GALNT17: variants seen among roughly 807,000 people sequenced by gnomAD.
GALNT17 encodes UDP-GalNAc:polypeptide N-acetylgalactosaminyltransferase-like 3.
Under a neutral mutation model 63.7 loss-of-function variants are expected in GALNT17, and 29 were observed. That is an observed-to-expected ratio of 0.46 (90% CI 0.34 to 0.62). The LOEUF (loss-of-function observed/expected upper bound fraction) is 0.62. Ranked by LOEUF, GALNT17 falls within the 20% of genes least tolerant of loss-of-function variation. The pLI, the probability that GALNT17 is intolerant of heterozygous loss-of-function variation, is 0.01. For missense variants in GALNT17, 603 were observed against 799.6 expected (o/e 0.75, Z 2.97); for synonymous variants, 305 against 318.3 (o/e 0.96, Z 0.45).
intron 1 of GALNT17, among the ~76,000 whole-genome samples, chr7:71,271,055 G>A (rs990153634): frequency 8.5e-5 from 13 of 152,172 alleles, no homozygotes; most frequent in Non-Finnish European, 8.8e-5. Context: ...TGTTTCATAC[G>A]GGATAGTGTT....
At chr7:71,501,394 A>G (rs1788178282) in intron 5 of GALNT17, among the ~76,000 whole-genome samples, 1 of 152,054 alleles carries the variant, frequency 6.6e-6, no homozygotes. Flanking sequence ...CCTCCCGAGT[A>G]GCTGGGACTA....
chr7:71,184,987 CCTTCCTTCCTT>C (rs1379285429), intron 1 of GALNT17, among the ~76,000 whole-genome samples: 2 of 122,946 alleles, frequency 1.6e-5, no homozygotes, highest in South Asian at 2.8e-4. Context: ...TTCCTTCCTT[CCTTCCTTCCTT>C]CTTCCTTCCC....
At chr7:71,282,480 G>A (rs907303049) in intron 1 of GALNT17, among the ~76,000 whole-genome samples, 1 of 152,254 alleles carries the variant, frequency 6.6e-6, no homozygotes, top group Non-Finnish European at 1.5e-5. Context: ...TTAGCACTGT[G>A]TCAGGCACAT....
intron 2 of GALNT17, among the ~76,000 whole-genome samples, chr7:71,337,483 T>G: frequency 6.6e-6 from 1 of 152,220 alleles, no homozygotes; most frequent in Non-Finnish European, 1.5e-5. Flanking sequence ...TACTAGACCC[T>G]TCCAATACTG....
intron 5 of GALNT17, among the ~76,000 whole-genome samples, chr7:71,483,524 A>G (rs1309813372): frequency 6.6e-6 from 1 of 151,896 alleles, no homozygotes; most frequent in East Asian, 1.9e-4. Flanking sequence ...ACTGCACACT[A>G]CTGGAGGTAG....
At chr7:71,470,813 G>A (rs949392627) in intron 5 of GALNT17, among the ~76,000 whole-genome samples, 3 of 152,058 alleles carry the variant, frequency 2.0e-5, no homozygotes, top group African/African-American at 4.8e-5. Flanking sequence ...AATACAGTGG[G>A]ATCATTGCTT....
chr7:71,392,844 C>CAAAT (rs55894614), intron 3 of GALNT17, among the ~76,000 whole-genome samples: 1 of 151,518 alleles, frequency 6.6e-6, no homozygotes, highest in Non-Finnish European at 1.5e-5. Context: ...GAAATCTCTT[C>CAAAT]TCTTGAACTA....
chr7:71,386,606 C>T (rs1010547650), intron 2 of GALNT17, among the ~76,000 whole-genome samples: 8 of 152,146 alleles, frequency 5.3e-5, no homozygotes, highest in African/African-American at 1.2e-4. Context: ...TCTTACATCA[C>T]CTGGAGCCGT....
chr7:71,669,111 A>G (rs1791028782), intron 7 of GALNT17, among the ~76,000 whole-genome samples: 2 of 152,232 alleles, frequency 1.3e-5, no homozygotes, highest in Admixed American at 1.3e-4. Context: ...TTGCACAGCA[A>G]TGATAAGGAT....
chr7:71,665,541 T>A lies in GALNT17; in HGVS notation c.1211T>A (p.Val404Asp). Residue 404 changes from valine to aspartate, a missense_variant, in exon 7 of 11, where the codon GTC becomes GAC. This residue lies in a region of GALNT17 where 336 missense variants were observed against 507.8 expected (regional missense o/e 0.66). Coordinates refer to ENST00000333538, the MANE Select transcript of GALNT17 (RefSeq NM_022479.3). Reference sequence around the variant, plus strand: ...AGGAATGCTCTTCGCGTTGCTGAGGTCTGGATGGACGATTACAAGTCTCAT... The same window carrying A: ...AGGAATGCTCTTCGCGTTGCTGAGGACTGGATGGACGATTACAAGTCTCAT... ...TKRNALRVAE[V>D]WMDDYKSHVY... 1 of 1,613,952 alleles carries A rather than the reference T, an allele frequency of 6.2e-7. No individual in the cohort carries two copies.
At chr7:71,670,901 T>TGTGCGCGTGTGTGTGTGTGTGTGC (rs113904463) in intron 8 of GALNT17, among the ~76,000 whole-genome samples, 1 of 150,176 alleles carries the variant, frequency 6.7e-6, no homozygotes, top group Non-Finnish European at 1.5e-5. Context: ...TGTGTGTGTG[T>TGTGCGCGTGTGTGTGTGTGTGTGC]GCGTGTGTGT....
chr7:71,535,866 C>A (rs1788794705), intron 5 of GALNT17, among the ~76,000 whole-genome samples: 1 of 152,174 alleles, frequency 6.6e-6, no homozygotes, highest in Admixed American at 6.5e-5. Flanking sequence ...ATTACTGCAC[C>A]TGAGGCTGAG....
intron 1 of GALNT17, among the ~76,000 whole-genome samples, chr7:71,173,176 A>G (rs1228608771): frequency 6.6e-6 from 1 of 152,034 alleles, no homozygotes; most frequent in Non-Finnish European, 1.5e-5. Flanking sequence ...TTATATATTG[A>G]TTTGGTTGTT....
rs758955349 is a variant in GALNT17 at position 71,421,113 on chromosome 7, G to C, written c.962+8G>C. 6.2e-6 allele frequency: 10 copies of C among 1,613,814 alleles called. No individual in the cohort carries two copies. Among genetic ancestry groups the C allele is most frequent in the Middle Eastern group, 1.6e-4 (1 of 6,080 alleles). The stretch of plus-strand genomic sequence containing the variant: ...CCCTTCTCTCCCCATCAGGTCTGTG[G>C]CTGGTGAGCCCTGGCGGCCAACGAG... On this transcript the variant is annotated splice_region_variant and intron_variant, in intron 5 of 10. Transcript: ENST00000333538.
At chr7:71,509,477 T>G (rs1788319116) in intron 5 of GALNT17, among the ~76,000 whole-genome samples, 1 of 152,230 alleles carries the variant, frequency 6.6e-6, no homozygotes, top group Non-Finnish European at 1.5e-5. Flanking sequence ...GTATTTATAA[T>G]TTGCTATCTC....
chr7:71,362,991 G>C (rs907641827), intron 2 of GALNT17, among the ~76,000 whole-genome samples: 1 of 151,056 alleles, frequency 6.6e-6, no homozygotes, highest in Non-Finnish European at 1.5e-5. Flanking sequence ...TTTTGAGGCA[G>C]AGTCTCACAT....
At chr7:71,248,976 A>G (rs1178997049) in intron 1 of GALNT17, among the ~76,000 whole-genome samples, 2 of 24,040 alleles carry the variant, frequency 8.3e-5, no homozygotes, top group Non-Finnish European at 1.3e-4. Flanking sequence ...AATAGAGGTG[A>G]TGTTATGCTC....
rs1351376318 is a variant in GALNT17 at position 71,529,469 on chromosome 7, T to TA, written c.963-41813dup. Among the ~76,000 whole-genome samples, 7 of 152,308 alleles carry TA rather than the reference T, an allele frequency of 4.6e-5. No individual in the cohort carries two copies. The East Asian group carries it at 1.2e-3, about 25-fold the overall frequency. ...AGTCAAATCACAGATGTATAAGATT[T>TA]AAACCATGTGACATAATTAAATGTA... On this transcript the variant is annotated intron_variant, in intron 5 of 10. Coordinates refer to ENST00000333538, the MANE Select transcript of GALNT17 (RefSeq NM_022479.3).
chr7:71,432,467 C>T (rs1416415437), intron 5 of GALNT17, among the ~76,000 whole-genome samples: 5 of 152,168 alleles, frequency 3.3e-5, no homozygotes. Flanking sequence ...CGTCCAGGGC[C>T]TTGGCATGCA....
Sources: gnomAD v4.1 joint callset for allele counts (sites outside exome capture counted in the v4.1 genomes callset) on GRCh38, gnomAD v4.1.1 for gene constraint, gnomAD v4.1.1 regional missense constraint, MANE v1.5 for transcripts, NCBI Gene and HGNC (gene_info 2026-07-23, HGNC 2026-07-21) for gene names.